The following CNTRL variants were observed in gnomAD, a reference collection of about 807,000 sequenced individuals.
CNTRL encodes the protein centriolin.
A neutral mutation model predicts 303.7 loss-of-function variants in CNTRL; 233 were observed. That is an observed-to-expected ratio of 0.77 (90% confidence interval 0.69 to 0.86). The LOEUF is 0.86. Among genes scored for constraint, CNTRL ranks in the 40% least tolerant of loss-of-function variants. CNTRL has a pLI of 0.00. For synonymous variants in CNTRL, 900 were observed against 922.2 expected (o/e 0.98, Z 0.44); for missense variants, 2,524 against 2,650.6 (o/e 0.95, Z 1.05).
At chr9:121,086,694 G>A (rs1463493996) in intron 2 of CNTRL, among the ~76,000 whole-genome samples, 1 of 143,348 alleles carries the variant, frequency 7.0e-6, no homozygotes, top group East Asian at 2.1e-4. Context: ...AGGCTGGACT[G>A]CAGTGGCGCG....
chr9:121,094,862 G>T lies in CNTRL; in HGVS notation c.349-26G>T, dbSNP rs144330209. On this transcript the variant is annotated intron_variant, in intron 4 of 43. Transcript: ENST00000373855. ...TATGTCAAGTCATCTGTTGTGTAAA[G>T]TATTCATTCATTTGTTTCCAATTAG... is the stretch of plus-strand genomic sequence containing the variant. 5.3e-6 allele frequency: 8 copies of T among 1,503,074 alleles called. No individual in the cohort carries two copies. In the East Asian group the frequency reaches 1.8e-4, roughly 35 times the overall value. 93.1% of individuals were successfully genotyped at this position (1,503,074 alleles called of 1,614,324 possible).
chr9:121,138,827 T>C (rs1461020525), intron 16 of CNTRL, 148 bp downstream of exon 16: 1 of 679,736 alleles, frequency 1.5e-6, no homozygotes, highest in Non-Finnish European at 2.4e-6. Context: ...AGCAGCACCA[T>C]AGCTCCTGTT....
At chr9:121,097,911 AT>A (rs1342628037) in intron 6 of CNTRL, among the ~76,000 whole-genome samples, 9 of 152,222 alleles carry the variant, frequency 5.9e-5, no homozygotes, top group Admixed American at 1.3e-4. Flanking sequence ...TAGGTTGAGA[AT>A]AAACTATCTG....
rs1177526239 is a variant in CNTRL at position 121,171,898 on chromosome 9, AG to A, written c.6417+351del. On this transcript the variant is annotated intron_variant, in intron 40 of 43. Transcript: ENST00000373855. ...CAAAACCTCCCCTACCCCTTGAGCA[AG>A]AAAAGATGGTCCGGGGGAAACCTTT... 2.6e-5 allele frequency among the ~76,000 whole-genome samples: 4 copies of A among 152,200 alleles called. No homozygotes were observed. The East Asian group carries it at 7.7e-4, about 29-fold the overall frequency.
Position 121,078,717 on chromosome 9 carries a change from C to A in CNTRL, c.-204-1589C>A, listed in dbSNP as rs928215553. ...CTATAAATCAGAGTTCCCACAACTC[C>A]CTCCTTGGGTTTGATTAATTTGCTA... On this transcript the variant is annotated intron_variant, in intron 1 of 43. Transcript: ENST00000373855. 2.0e-4 allele frequency among the ~76,000 whole-genome samples: 30 copies of A among 152,188 alleles called. 1 individual carries two copies. The highest frequency in any genetic ancestry group is 2.0e-3 in the Admixed American group (30 of 15,276).
At chr9:121,149,994 C>A (rs989815017) in intron 24 of CNTRL, among the ~76,000 whole-genome samples, 176 bp from the exon 25 acceptor site, 1 of 152,134 alleles carries the variant, frequency 6.6e-6, no homozygotes, top group African/African-American at 2.4e-5. Context: ...TACTTTGAAT[C>A]CATGTTTTGA....
chr9:121,123,438 A>G (rs1393932247), intron 12 of CNTRL, among the ~76,000 whole-genome samples: 2 of 152,116 alleles, frequency 1.3e-5, no homozygotes, highest in South Asian at 2.1e-4. Context: ...AACAAAAAGT[A>G]AAAACAAACA....
intron 36 of CNTRL, among the ~76,000 whole-genome samples, chr9:121,166,754 G>C (rs1248946271): frequency 1.3e-5 from 2 of 152,162 alleles, no homozygotes; most frequent in Non-Finnish European, 2.9e-5. Context: ...AGGTGCAGTG[G>C]CTCACACCTG....
chr9:121,126,924 C>T (rs569469312), intron 14 of CNTRL, among the ~76,000 whole-genome samples: 2 of 151,988 alleles, frequency 1.3e-5, no homozygotes, highest in East Asian at 1.9e-4. Context: ...TGGGTTGAAG[C>T]GATTCTCCTG....
At chr9:121,088,570 T>G in intron 3 of CNTRL, 27 bp downstream of exon 3, 1 of 1,461,588 alleles carries the variant, frequency 6.8e-7, no homozygotes, top group Non-Finnish European at 9.5e-7. Flanking sequence ...TAAGAATTGG[T>G]CTGACCACAT....
rs768595403 is a variant in CNTRL at position 121,157,809 on chromosome 9, A to T, written c.4566A>T (p.Ile1522=). The T allele has an allele frequency of 6.2e-7, 1 of 1,614,202 alleles. No individual in the cohort carries two copies. The highest frequency in any genetic ancestry group is 1.1e-5 in the South Asian group (1 of 91,082). ...KIKQEEILKE[I]NKIVAAKDSD... ...AGCAAGAAGAAATCTTGAAAGAAAT[A>T]AACAAAATTGTAGCAGCAAAAGACT... The change falls in exon 29 of 44, where the codon ATA becomes ATT. Residue 1522 remains isoleucine, a synonymous_variant. Coordinates refer to ENST00000373855, the MANE Select transcript of CNTRL (RefSeq NM_007018.6).
rs762428759 is a variant in CNTRL at position 121,098,498 on chromosome 9, G to T, written c.734G>T (p.Arg245Leu). The change falls in exon 7 of 44, where the codon CGT (arginine) becomes CTT (leucine). Residue 245 changes from arginine to leucine, a missense_variant. By Grantham distance (102) the Arg-to-Leu change is moderately radical. Coordinates refer to ENST00000373855, the MANE Select transcript of CNTRL (RefSeq NM_007018.6). Reference protein sequence around the residue: ...HYLQFTIFHLRSLESLEGQPV... With the variant: ...HYLQFTIFHLLSLESLEGQPV... ...CTCCAGTTTACCATTTTCCACCTCC[G>T]TTCATTGGAAAGTTTGGAAGGTCAG... The T allele has an allele frequency of 1.2e-6, 2 of 1,613,638 alleles. No homozygotes were observed. Among genetic ancestry groups the T allele is most frequent in the Non-Finnish European group, 1.7e-6 (2 of 1,179,770 alleles).
chr9:121,132,748 G>A (rs889867723), intron 14 of CNTRL, among the ~76,000 whole-genome samples: 4 of 152,130 alleles, frequency 2.6e-5, no homozygotes, highest in African/African-American at 9.7e-5. Flanking sequence ...TTCTGCTGTG[G>A]TTTCTCCCCA....
rs1434056090 is a variant in CNTRL, at chr9:121,118,538, CAT to C, written c.1649_1650del (p.His550LeufsTer10). The C allele has an allele frequency of 1.3e-6, 2 of 1,581,570 alleles. No homozygotes were observed. The highest frequency in any genetic ancestry group is 1.7e-6 in the Non-Finnish European group (2 of 1,164,370). ...TAGCCTGGATTCCAAAGACCCAAAA[CAT>C]GTGAGTAAATTAAGAAATTTTGACT... ...IDSLDSKDPK[H>X]SHMKAQKSGK... On this transcript the variant is annotated frameshift_variant and splice_region_variant, in exon 12 of 44. Transcript: ENST00000373855. LOFTEE classifies it high-confidence loss of function.
chr9:121,166,040 TGC>T, intron 35 of CNTRL, 65 bp from the exon 36 acceptor site: 1 of 1,210,220 alleles, frequency 8.3e-7, no homozygotes, highest in East Asian at 2.5e-5. Context: ...TTTTTGGGAA[TGC>T]TAATGGGAAT....
chr9:121,170,776 A>G (rs2053271393), intron 39 of CNTRL, among the ~76,000 whole-genome samples: 1 of 152,216 alleles, frequency 6.6e-6, no homozygotes, highest in African/African-American at 2.4e-5. Context: ...TGCTGTAGTC[A>G]GTGCCTACAA....
intron 2 of CNTRL, among the ~76,000 whole-genome samples, chr9:121,084,455 G>A (rs1005974087): frequency 1.3e-5 from 2 of 151,984 alleles, no homozygotes; most frequent in Non-Finnish European, 2.9e-5. Context: ...TTTACCATTT[G>A]CTAGGCTCTG....
chr9:121,154,701 G>A lies in CNTRL; in HGVS notation c.4173-20G>A. 6.9e-7 allele frequency: 1 copy of A among 1,446,492 alleles called. No homozygotes were observed. The allele number at this position is 1,446,492 out of a possible 1,614,324, so 89.6% of individuals were successfully genotyped here. A position where few individuals can be genotyped will look rare whatever the true frequency, so the allele number is the denominator to read the frequency against. On this transcript the variant is annotated intron_variant, in intron 26 of 43. Coordinates refer to ENST00000373855, the MANE Select transcript of CNTRL (RefSeq NM_007018.6). ...GTCTACATTTAACATTTTTTAATGG[G>A]TGTATATATTATTTTTTAGGGACTT...
chr9:121,140,915 T>G, intron 17 of CNTRL, 129 bp downstream of exon 17: 1 of 835,436 alleles, frequency 1.2e-6, no homozygotes, highest in Non-Finnish European at 1.7e-6. Flanking sequence ...AAGGTTCTCC[T>G]TATGAAGTTT....
Sources: allele counts gnomAD v4.1 joint callset (sites outside exome capture counted in the v4.1 genomes callset), GRCh38; gene constraint gnomAD v4.1.1; transcripts MANE v1.5; gene names NCBI Gene and HGNC (gene_info 2026-07-23, HGNC 2026-07-21).